CDK2AP1: variants seen among roughly 807,000 people sequenced by gnomAD.
The protein encoded by CDK2AP1 is cyclin-dependent kinase 2-associated protein 1.
A neutral mutation model predicts 14.1 loss-of-function variants in CDK2AP1; 10 were observed. That is an observed-to-expected ratio of 0.71 (90% CI 0.44 to 1.20). The LOEUF is 1.20. Ranked by LOEUF, CDK2AP1 falls within the 50% of genes most tolerant of loss-of-function variation. The pLI is 0.00. For missense variants in CDK2AP1, 102 were observed against 149.9 expected (o/e 0.68, Z 1.67); for synonymous variants, 59 against 59.8 (o/e 0.99, Z 0.06).
chr12:123,269,445 C>T (rs529530360), intron 1 of CDK2AP1, among the ~76,000 whole-genome samples: 1 of 152,222 alleles, frequency 6.6e-6, no homozygotes, highest in Non-Finnish European at 1.5e-5. Flanking sequence ...GGAAGGGCTC[C>T]GAGTTCCACT....
At chr12:123,269,614 C>A (rs1199807673) in intron 1 of CDK2AP1, among the ~76,000 whole-genome samples, 3 of 152,160 alleles carry the variant, frequency 2.0e-5, no homozygotes, top group African/African-American at 7.2e-5. Context: ...CCCACCCCCA[C>A]GCCAGACAAA....
In CDK2AP1 at chr12:123,265,191, C is replaced by T. The variant is rs2048277434; in HGVS notation, c.280+5G>A. The T allele has an allele frequency of 1.2e-6, 2 of 1,613,950 alleles. No individual in the cohort carries two copies. Among genetic ancestry groups the T allele is most frequent in the Non-Finnish European group, 1.7e-6 (2 of 1,179,846 alleles). Reference sequence around the variant, plus strand: ...TCACCGACAGGGCAGCGGGGCCGGGCTTACCGCGCTTCAGCCTCTCCATGG... The same window carrying T: ...TCACCGACAGGGCAGCGGGGCCGGGTTTACCGCGCTTCAGCCTCTCCATGG... On this transcript the variant is annotated splice_donor_5th_base_variant and intron_variant, in intron 3 of 3. Transcript: ENST00000261692. This position sits in a 1 kb window ranked among gnomAD's most constrained non-coding sequence, Gnocchi z 5.3.
chr12:123,271,182 G>T, intron 1 of CDK2AP1: 2 of 214,196 alleles, frequency 9.3e-6, no homozygotes, highest in Non-Finnish European at 1.6e-5. Context: ...CTCCCGGCGC[G>T]GCCCGGGCCG....
chr12:123,262,031 T>G, intron 3 of CDK2AP1: 1 of 430,460 alleles, frequency 2.3e-6, no homozygotes, highest in South Asian at 4.6e-5. Flanking sequence ...TCTCTAAACA[T>G]TTTTTCCTGC....
At chr12:123,270,204 T>G in intron 1 of CDK2AP1, 2 of 984,510 alleles carry the variant, frequency 2.0e-6, no homozygotes. Flanking sequence ...CTTTGTAAGG[T>G]CTGCGGACCC....
At chr12:123,270,368 C>T in intron 1 of CDK2AP1, 1 of 161,790 alleles carries the variant, frequency 6.2e-6, no homozygotes, top group Non-Finnish European at 1.3e-5. Flanking sequence ...TTTTAGGTAT[C>T]GTTTTTATGG....
intron 1 of CDK2AP1, among the ~76,000 whole-genome samples, 193 bp downstream of exon 1, chr12:123,271,371 C>T (rs2048352394): frequency 6.8e-6 from 1 of 147,376 alleles, no homozygotes; most frequent in South Asian, 2.1e-4. Context: ...AGGCCCTCGG[C>T]GTGCGGGGCG....
intron 1 of CDK2AP1, chr12:123,268,072 C>T: frequency 1.7e-6 from 1 of 600,984 alleles, no homozygotes. Context: ...GAGTCCGTGG[C>T]TAGGAGCACG....
rs921274686 is a variant in CDK2AP1, at chr12:123,261,095, A to T, written c.*641T>A. 7.9e-5 allele frequency: 12 copies of T among 152,530 alleles called. No individual in the cohort carries two copies. Among genetic ancestry groups the T allele is most frequent in the Admixed American group, 3.9e-4 (6 of 15,278 alleles). 9.4% of individuals were successfully genotyped at this position (152,530 alleles called of 1,614,324 possible). On this transcript the variant is annotated 3_prime_UTR_variant, in exon 4 of 4. Coordinates refer to ENST00000261692, the MANE Select transcript of CDK2AP1 (RefSeq NM_004642.4). The stretch of plus-strand genomic sequence containing the variant: ...CATTTTCTTCCAGATGTTTTTATCA[A>T]CTTACAATAAACGCAGAACTGAGAT...
In CDK2AP1 at chr12:123,271,619, C is replaced by T; in HGVS notation, c.-1G>A. 1 of 993,204 alleles carries T rather than the reference C, an allele frequency of 1.0e-6. No homozygotes were observed. Among genetic ancestry groups the T allele is most frequent in the Non-Finnish European group, 1.2e-6 (1 of 835,704 alleles). 61.5% of individuals were successfully genotyped at this position (993,204 alleles called of 1,614,324 possible). ...CGGCCAAGTTCGGTTTGTAAGACAT[C>T]CCCCCGGGCGGCGGGCGCGCCGGGC... is the stretch of plus-strand genomic sequence containing the variant. On this transcript the variant is annotated 5_prime_UTR_variant, in exon 1 of 4. Transcript: ENST00000261692.
At chr12:123,266,203 C>T (rs952343590) in intron 2 of CDK2AP1, among the ~76,000 whole-genome samples, 2 of 152,238 alleles carry the variant, frequency 1.3e-5, no homozygotes, top group African/African-American at 2.4e-5. Context: ...TCTGTCCTGT[C>T]CTCGTCCTGC....
chr12:123,266,259 G>T (rs2048291599), intron 2 of CDK2AP1, among the ~76,000 whole-genome samples: 1 of 152,212 alleles, frequency 6.6e-6, no homozygotes, highest in African/African-American at 2.4e-5. Flanking sequence ...GGCCTCACGG[G>T]CCTCCCGCCT....
chr12:123,270,734 G>A lies in CDK2AP1; in HGVS notation c.55+830C>T, dbSNP rs577806864. Among the ~76,000 whole-genome samples, 18 of 152,138 alleles carry A rather than the reference G, an allele frequency of 1.2e-4. No homozygotes were observed. In the South Asian group the frequency reaches 2.5e-3, roughly 21 times the overall value. On this transcript the variant is annotated intron_variant, in intron 1 of 3. Coordinates refer to ENST00000261692, the MANE Select transcript of CDK2AP1 (RefSeq NM_004642.4). ...GCGGCCGCAGCCCCAGGAAGCTTGA[G>A]GGGAGCCCCTCCCGGCTTCTGCATC...
chr12:123,262,530 A>C (rs1000237303), intron 3 of CDK2AP1: 3 of 152,234 alleles, frequency 2.0e-5, no homozygotes, highest in Admixed American at 1.3e-4. Context: ...AGGACCAGAC[A>C]GCAAATATTT....
rs2048279791 is a variant in CDK2AP1 at position 123,265,432 on chromosome 12, G to C, written c.154-110C>G. 5.7e-6 allele frequency: 6 copies of C among 1,053,490 alleles called. No homozygotes were observed. In the Admixed American group the frequency reaches 1.1e-4, roughly 20 times the overall value. The allele number at this position is 1,053,490 out of a possible 1,614,324, so 65.3% of individuals were successfully genotyped here. ...GCAGGAGAACTGCTTGGACCCAGGA[G>C]GTGGAAGTTGCAGTGAGCCAAGATC... On this transcript the variant is annotated intron_variant, in intron 2 of 3. Transcript: ENST00000261692. This position sits in a 1 kb window ranked among gnomAD's most constrained non-coding sequence, Gnocchi z 5.3.
chr12:123,271,092 G>C, intron 1 of CDK2AP1: 2 of 894,568 alleles, frequency 2.2e-6, no homozygotes, highest in Non-Finnish European at 2.7e-6. Flanking sequence ...GCCCGCGCGG[G>C]TCCTGGCCCT....
chr12:123,267,075 C>T (rs1334018890), intron 2 of CDK2AP1, 110 bp downstream of exon 2: 8 of 751,194 alleles, frequency 1.1e-5, no homozygotes, highest in African/African-American at 1.7e-5. Context: ...GAGAAAGCTC[C>T]GTCCCATCCT....
intron 1 of CDK2AP1, chr12:123,270,922 C>T: frequency 1.0e-6 from 1 of 985,282 alleles, no homozygotes; most frequent in Non-Finnish European, 1.2e-6. Context: ...ATGGGGTAGC[C>T]CCTGCTCCCA....
chr12:123,270,043 A>G (rs1278425722), intron 1 of CDK2AP1: 1 of 177,298 alleles, frequency 5.6e-6, no homozygotes, highest in East Asian at 1.9e-4. Context: ...GTGACCCCAA[A>G]CCCCGAGGGT....
Sources: gnomAD v4.1 joint callset for allele counts (sites outside exome capture counted in the v4.1 genomes callset) on GRCh38, gnomAD v4.1.1 for gene constraint, Gnocchi (gnomAD v3.1) non-coding constraint, MANE v1.5 for transcripts, NCBI Gene and HGNC (gene_info 2026-07-23, HGNC 2026-07-21) for gene names.